Variants in THSD7B observed in about 807,000 individuals in gnomAD.
THSD7B encodes the protein thrombospondin type 1 domain containing 7B.
Under a neutral mutation model 213.6 loss-of-function variants are expected in THSD7B, and 138 were observed. The ratio of observed to expected loss-of-function variants is 0.65; its 90% CI spans 0.56 to 0.74. THSD7B has a LOEUF of 0.74. Ranked by LOEUF, THSD7B falls within the 30% of genes least tolerant of loss-of-function variation. THSD7B has a pLI of 0.00. For missense variants in THSD7B, 1,931 were observed against 1,991.5 expected (o/e 0.97, Z 0.58); for synonymous variants, 742 against 687.0 (o/e 1.08, Z -1.25).
intron 15 of THSD7B, among the ~76,000 whole-genome samples, chr2:137,518,488 C>G (rs960761278): frequency 6.6e-6 from 1 of 152,184 alleles, no homozygotes; most frequent in East Asian, 1.9e-4. Context: ...GGAAGAAGCA[C>G]GATTGGAAAA....
intron 15 of THSD7B, among the ~76,000 whole-genome samples, chr2:137,536,917 A>G (rs2105186952): frequency 1.3e-5 from 2 of 151,908 alleles, no homozygotes; most frequent in South Asian, 2.1e-4. Context: ...AATATTAATA[A>G]TGCATTTGTT....
At chr2:137,590,501 C>T (rs1280181539) in intron 17 of THSD7B, among the ~76,000 whole-genome samples, 5 of 151,970 alleles carry the variant, frequency 3.3e-5, no homozygotes, top group Admixed American at 1.3e-4. Flanking sequence ...CTGCATGTGT[C>T]GCAATGAGTA....
At chr2:137,094,787 G>T (rs1688009388) in intron 3 of THSD7B, 86 bp from the exon 4 acceptor site, 2 of 1,487,206 alleles carry the variant, frequency 1.3e-6, no homozygotes, top group Non-Finnish European at 9.0e-7. Flanking sequence ...AAATTTCAGA[G>T]TTTTTTTTCT....
rs1290837838 is a variant in THSD7B at position 137,616,216 on chromosome 2, G to C, written c.3465G>C (p.Leu1155=). The C allele has an allele frequency of 1.2e-6, 2 of 1,613,764 alleles. No homozygotes were observed. ...PHTMQRRTRH[L]LRPSLNSRTC... is the part of the protein sequence containing the mutation. ...CAATGCAGAGAAGAACTCGCCACCT[G>C]CTAAGACCATCACTGAACTCAAGGA... The change falls in exon 18 of 28, where the codon CTG becomes CTC. Residue 1155 remains leucine (L), a synonymous_variant. Coordinates refer to ENST00000409968, the MANE Select transcript of THSD7B (RefSeq NM_001316349.2).
At chr2:136,773,383 C>T (rs1318763658) in intron 1 of THSD7B, among the ~76,000 whole-genome samples, 2 of 152,030 alleles carry the variant, frequency 1.3e-5, no homozygotes, top group Non-Finnish European at 2.9e-5. Context: ...TAGAGCAGTA[C>T]AGGTCCTTAG....
intron 1 of THSD7B, among the ~76,000 whole-genome samples, chr2:136,851,656 G>A (rs35737524): frequency 0.14 from 21,643 of 152,014 alleles, 2,215 homozygotes; most frequent in Non-Finnish European, 0.22. Flanking sequence ...TTTTGAACCG[G>A]GGCCTAGAGA....
chr2:137,312,004 G>A (rs1421271789), intron 12 of THSD7B, among the ~76,000 whole-genome samples: 1 of 147,870 alleles, frequency 6.8e-6, no homozygotes, highest in Non-Finnish European at 1.5e-5. Context: ...TTGGTATCAG[G>A]ATGATGCTGG....
intron 10 of THSD7B, among the ~76,000 whole-genome samples, chr2:137,252,177 G>T (rs1365530051): frequency 2.2e-5 from 3 of 139,298 alleles, no homozygotes; most frequent in African/African-American, 8.0e-5. Context: ...TGAGTCAGGA[G>T]AATCGCTTGA....
chr2:137,372,323 CTTTTTTT>C (rs55635315), intron 12 of THSD7B, among the ~76,000 whole-genome samples: 80 of 57,544 alleles, frequency 1.4e-3, no homozygotes, highest in African/African-American at 3.4e-3. Flanking sequence ...TGATAATACT[CTTTTTTT>C]TTTTTTTTTT....
At chr2:136,849,900 G>T (rs557237289) in intron 1 of THSD7B, among the ~76,000 whole-genome samples, 2 of 152,042 alleles carry the variant, frequency 1.3e-5, no homozygotes, top group Admixed American at 6.6e-5. Context: ...GCTTCAAAAG[G>T]TTTTTTAATA....
intron 2 of THSD7B, among the ~76,000 whole-genome samples, chr2:137,021,046 G>T (rs915221611): frequency 6.6e-6 from 1 of 152,164 alleles, no homozygotes; most frequent in Non-Finnish European, 1.5e-5. Context: ...ACCATGGAGG[G>T]TTCATTACCA....
chr2:137,385,732 GAGA>G (rs1384548361), intron 12 of THSD7B, among the ~76,000 whole-genome samples: 4 of 152,184 alleles, frequency 2.6e-5, no homozygotes, highest in South Asian at 2.1e-4. Context: ...GGAGTGAGAA[GAGA>G]AGGAGTAAGG....
chr2:137,553,745 C>G (rs866600331), intron 15 of THSD7B, among the ~76,000 whole-genome samples: 1 of 152,158 alleles, frequency 6.6e-6, no homozygotes, highest in Non-Finnish European at 1.5e-5. Flanking sequence ...TCATTTCTCT[C>G]CCTTAGAACA....
chr2:137,276,079 G>A, intron 12 of THSD7B, 53 bp downstream of exon 12: 1 of 1,309,912 alleles, frequency 7.6e-7, no homozygotes, highest in Admixed American at 2.0e-5. Context: ...TTAACATTAT[G>A]TAACTCATAT....
chr2:137,388,375 T>G (rs1349146058), intron 12 of THSD7B, among the ~76,000 whole-genome samples: 2 of 152,076 alleles, frequency 1.3e-5, no homozygotes, highest in African/African-American at 2.4e-5. Flanking sequence ...CCCTTAATTC[T>G]TTTTGAGTTT....
chr2:137,354,395 A>G (rs147595785), intron 12 of THSD7B, among the ~76,000 whole-genome samples: 614 of 152,228 alleles, frequency 4.0e-3, no homozygotes, highest in Non-Finnish European at 6.7e-3. Context: ...GAAATTTCCT[A>G]TAGGTATACT....
chr2:137,581,863 T>A (rs943699679), intron 17 of THSD7B, among the ~76,000 whole-genome samples: 3 of 151,636 alleles, frequency 2.0e-5, no homozygotes, highest in Non-Finnish European at 4.4e-5. Flanking sequence ...TTTGGGAGGC[T>A]GAGGCAGGTG....
At chr2:137,320,765 C>G (rs1684247628) in intron 12 of THSD7B, among the ~76,000 whole-genome samples, 2 of 152,232 alleles carry the variant, frequency 1.3e-5, no homozygotes, top group Non-Finnish European at 2.9e-5. Context: ...TTTCATACCC[C>G]TGGCTTTGGG....
chr2:137,273,793 A>G (rs143683184), intron 11 of THSD7B, among the ~76,000 whole-genome samples: 1 of 152,224 alleles, frequency 6.6e-6, no homozygotes, highest in Non-Finnish European at 1.5e-5. Context: ...CCACAGGGCC[A>G]TTGTGGAAAC....
Sources: gnomAD v4.1 joint callset for allele counts (sites outside exome capture counted in the v4.1 genomes callset) on GRCh38, gnomAD v4.1.1 for gene constraint, MANE v1.5 for transcripts, NCBI Gene and HGNC (gene_info 2026-07-23, HGNC 2026-07-21) for gene names.